CEACAM19: variants seen among roughly 807,000 people sequenced by gnomAD.
CEACAM19 encodes the protein cell adhesion molecule CEACAM19.
A neutral mutation model predicts 37.6 loss-of-function variants in CEACAM19; 37 were observed. That is an observed-to-expected ratio of 0.98 (90% CI 0.76 to 1.29). The LOEUF (loss-of-function observed/expected upper bound fraction) is 1.29. CEACAM19 is among the 50% of genes most tolerant of loss of function. The pLI is 0.00. For missense variants in CEACAM19, 340 were observed against 375.6 expected (o/e 0.91, Z 0.78); for synonymous variants, 140 against 149.8 (o/e 0.93, Z 0.48).
chr19:44,671,027 T>C (rs1192469048), upstream of CEACAM19, among the ~76,000 whole-genome samples: 1 of 151,494 alleles, frequency 6.6e-6, no homozygotes, highest in Non-Finnish European at 1.5e-5. Context: ...GTGGCAGAGG[T>C]TGCGGTGAAC....
chr19:44,680,050 G>T (rs1160194295), intron 4 of CEACAM19, among the ~76,000 whole-genome samples: 1 of 152,134 alleles, frequency 6.6e-6, no homozygotes, highest in Non-Finnish European at 1.5e-5. Flanking sequence ...TCTGTAAATG[G>T]TGATGTCTGG....
chr19:44,669,615 C>G (rs559328804), upstream of CEACAM19, among the ~76,000 whole-genome samples: 2 of 152,176 alleles, frequency 1.3e-5, no homozygotes, highest in African/African-American at 4.8e-5. Flanking sequence ...ATTGCAACCT[C>G]CTCAATACAC....
upstream of CEACAM19, among the ~76,000 whole-genome samples, chr19:44,668,397 TA>T (rs1239129259): frequency 1.7e-4 from 9 of 53,928 alleles, no homozygotes; most frequent in African/African-American, 3.6e-4. Flanking sequence ...TATATTTATA[TA>T]ATATGTTTAT....
In CEACAM19 at chr19:44,673,098, GTGTA is replaced by G. The variant is rs1395713729; in HGVS notation, c.424+135_424+138del. The G allele has an allele frequency of 1.5e-4, 96 of 648,094 alleles. No homozygotes were observed. In the African/African-American group the frequency reaches 1.7e-3, roughly 12 times the overall value. 40.1% of individuals were successfully genotyped at this position (648,094 alleles called of 1,614,324 possible). A position where few individuals can be genotyped will look rare whatever the true frequency, so the allele number is the denominator to read the frequency against. On this transcript the variant is annotated intron_variant, in intron 2 of 7. Coordinates refer to ENST00000358777, the MANE Select transcript of CEACAM19 (RefSeq NM_001127893.3). ...ACTTGACACATATTGAGCATCTACT[GTGTA>G]CCAATCCCCAGAGATAGTCTTTAAC...
intron 6 of CEACAM19, among the ~76,000 whole-genome samples, chr19:44,682,130 G>A (rs1265452334): frequency 1.3e-5 from 2 of 151,992 alleles, no homozygotes; most frequent in African/African-American, 2.4e-5. Flanking sequence ...TGCACCTATA[G>A]TCACAGCTAC....
upstream of CEACAM19, among the ~76,000 whole-genome samples, chr19:44,668,504 TA>T (rs1973790415): frequency 1.8e-5 from 1 of 54,630 alleles, no homozygotes; most frequent in South Asian, 6.3e-4. Context: ...TTATATATAT[TA>T]TATATTAGTT....
At chr19:44,679,638 A>G (rs1007733759) in intron 4 of CEACAM19, among the ~76,000 whole-genome samples, 2 of 152,038 alleles carry the variant, frequency 1.3e-5, no homozygotes, top group African/African-American at 2.4e-5. Flanking sequence ...AGTCCCAGCT[A>G]CTCGGGAGGC....
chr19:44,680,501 C>T (rs1016181501), intron 5 of CEACAM19, among the ~76,000 whole-genome samples, 167 bp downstream of exon 5: 54 of 151,812 alleles, frequency 3.6e-4, no homozygotes, highest in Non-Finnish European at 7.4e-5. Flanking sequence ...CTGAGCGCAT[C>T]GGCACCCACC....
intron 4 of CEACAM19, 33 bp from the exon 5 acceptor site, chr19:44,680,255 A>G (rs1162757865): frequency 1.9e-6 from 3 of 1,585,040 alleles, no homozygotes; most frequent in Non-Finnish European, 2.6e-6. Flanking sequence ...GTGTCTCTCT[A>G]TCCTAATATC....
chr19:44,675,193 C>G (rs905543271), intron 2 of CEACAM19, among the ~76,000 whole-genome samples: 1 of 151,566 alleles, frequency 6.6e-6, no homozygotes, highest in Non-Finnish European at 1.5e-5. Flanking sequence ...CCTCATTTCA[C>G]AGACGAACCA....
chr19:44,681,386 T>G (rs1974057156), intron 6 of CEACAM19, 74 bp downstream of exon 6: 1 of 911,664 alleles, frequency 1.1e-6, no homozygotes, highest in African/African-American at 1.7e-5. Context: ...GCTGTGGTCC[T>G]CTGGGCCATC....
rs367943872 is a variant in CEACAM19, at chr19:44,679,488, G to A, written c.659+552G>A. On this transcript the variant is annotated intron_variant, in intron 4 of 7. Transcript: ENST00000358777. Reference sequence around the variant, plus strand: ...GCATGGGCCAGGCATGGTGCCTCACGCCTGTAATCCCAGCACTTTGGGAGG... The same window carrying A: ...GCATGGGCCAGGCATGGTGCCTCACACCTGTAATCCCAGCACTTTGGGAGG... Among the ~76,000 whole-genome samples, 7 of 152,252 alleles carry A rather than the reference G, an allele frequency of 4.6e-5. No individual in the cohort carries two copies. In the South Asian group the frequency reaches 1.2e-3, roughly 27 times the overall value.
upstream of CEACAM19, among the ~76,000 whole-genome samples, chr19:44,668,182 ATAAT>A (rs1423562803): frequency 1.2e-5 from 1 of 85,900 alleles, no homozygotes; most frequent in African/African-American, 4.9e-5. Flanking sequence ...TATATTATAT[ATAAT>A]ATATTTTATA....
chr19:44,668,554 TTA>T (rs1973793359), upstream of CEACAM19, among the ~76,000 whole-genome samples: 1 of 68,308 alleles, frequency 1.5e-5, no homozygotes, highest in African/African-American at 9.6e-5. Context: ...AATTATATAA[TTA>T]TATACATATT....
Position 44,671,854 on chromosome 19 carries a change from T to A in CEACAM19, c.-78T>A. ...GGGATCCCCACTGAGCTGGCCTACT[T>A]CAGACAGCCAGGGCCCACCCCTCTG... On this transcript the variant is annotated 5_prime_UTR_variant, in exon 1 of 8. Transcript: ENST00000358777. The A allele has an allele frequency of 7.4e-7, 1 of 1,356,520 alleles. No individual in the cohort carries two copies. The highest frequency in any genetic ancestry group is 2.0e-5 in the Admixed American group (1 of 50,896). 84.0% of individuals were successfully genotyped at this position (1,356,520 alleles called of 1,614,324 possible). A position where few individuals can be genotyped will look rare whatever the true frequency, so the allele number is the denominator to read the frequency against.
chr19:44,680,363 C>A, intron 5 of CEACAM19, 29 bp downstream of exon 5: 2 of 1,596,498 alleles, frequency 1.3e-6, no homozygotes, highest in South Asian at 1.1e-5. Flanking sequence ...ATCTCACTAC[C>A]TAGCCCTCCT....
At chr19:44,672,432 C>A in intron 1 of CEACAM19, 164 bp from the exon 2 acceptor site, 1 of 741,608 alleles carries the variant, frequency 1.3e-6, no homozygotes, top group Non-Finnish European at 2.0e-6. Context: ...CCTGTGTTCC[C>A]ACTCCTGCAC....
At position 44,672,957 on chromosome 19, in the gene CEACAM19, G is replaced by C; in HGVS notation, c.417G>C (p.Gln139His). The C allele has an allele frequency of 6.7e-7, 1 of 1,490,300 alleles. No individual in the cohort carries two copies. The highest frequency in any genetic ancestry group is 2.3e-5 in the Admixed American group (1 of 43,138). The allele number at this position is 1,490,300 out of a possible 1,614,324, so 92.3% of individuals were successfully genotyped here. A position where few individuals can be genotyped will look rare whatever the true frequency, so the allele number is the denominator to read the frequency against. The change falls in exon 2 of 8, where the codon CAG becomes CAC. Residue 139 changes from glutamine (Q) to histidine (H), a missense_variant. Coordinates refer to ENST00000358777, the MANE Select transcript of CEACAM19 (RefSeq NM_001127893.3). ...CTATGAAGGCCAAGACTGAGGTCCAGGTAGCTGGTAAGTGTTAGGGTCTGG... is the reference window on the plus strand; with the variant it reads ...CTATGAAGGCCAAGACTGAGGTCCACGTAGCTGGTAAGTGTTAGGGTCTGG... ...EWTMKAKTEV[Q>H]VAEKNKELPS...
rs1973947303 is a variant in CEACAM19 at position 44,676,271 on chromosome 19, A to G, written c.425A>G (p.Glu142Gly). The change falls in exon 3 of 8, where the codon GAA becomes GGA. Residue 142 changes from glutamate to glycine, a missense_variant and splice_region_variant. Transcript: ENST00000358777. ...MKAKTEVQVA[E>G]KNKELPSTHL... The stretch of plus-strand genomic sequence containing the variant: ...TCTCTTTCTTTCTCTCACCCCTCAG[A>G]AAAGAATAAGGAGCTGCCCAGTACA... 6.2e-7 allele frequency: 1 copy of G among 1,613,808 alleles called. No individual in the cohort carries two copies. The highest frequency in any genetic ancestry group is 1.1e-5 in the South Asian group (1 of 91,070).
Sources: allele counts gnomAD v4.1 joint callset (sites outside exome capture counted in the v4.1 genomes callset), GRCh38; gene constraint gnomAD v4.1.1; transcripts MANE v1.5; gene names NCBI Gene and HGNC (gene_info 2026-07-23, HGNC 2026-07-21).